Variants in LOC400499 observed in about 807,000 individuals in gnomAD.
At chr16:11,384,663 C>G in the LOC400499 span, among the ~76,000 whole-genome samples, 1 of 152,226 alleles carries the variant, frequency 6.6e-6, no homozygotes, top group African/African-American at 2.4e-5. Flanking sequence ...CCGCGTGTCC[C>G]ACGGATGGGA....
chr16:11,443,721 G>A, the LOC400499 span, among the ~76,000 whole-genome samples: 2 of 152,060 alleles, frequency 1.3e-5, no homozygotes, highest in Admixed American at 6.6e-5. Context: ...GGAAACTGAG[G>A]TCCAGAGAGA....
At chr16:11,516,760 C>G in the LOC400499 span, among the ~76,000 whole-genome samples, 1 of 152,132 alleles carries the variant, frequency 6.6e-6, no homozygotes, top group African/African-American at 2.4e-5. Flanking sequence ...ATCCTTCTGC[C>G]TCAGCCTCCC....
chr16:11,526,393 T>C, the LOC400499 span, among the ~76,000 whole-genome samples: 1 of 152,186 alleles, frequency 6.6e-6, no homozygotes, highest in African/African-American at 2.4e-5. Context: ...CCACAAAAAA[T>C]ATTTTTTAAA....
At chr16:11,434,503 T>A in the LOC400499 span, among the ~76,000 whole-genome samples, 1 of 151,678 alleles carries the variant, frequency 6.6e-6, no homozygotes, top group African/African-American at 2.4e-5. Flanking sequence ...GTATATAGAG[T>A]CAGAACCGAG....
the LOC400499 span, among the ~76,000 whole-genome samples, chr16:11,470,318 G>A: frequency 6.6e-6 from 1 of 152,158 alleles, no homozygotes. Context: ...CAGCACTGCA[G>A]CCAAAACTCC....
At chr16:11,523,299 T>C in the LOC400499 span, 2 of 397,740 alleles carry the variant, frequency 5.0e-6, no homozygotes, top group Non-Finnish European at 8.9e-6. Context: ...GGGAGCATAG[T>C]CAGGGCCCTC....
the LOC400499 span, among the ~76,000 whole-genome samples, chr16:11,424,539 C>T: frequency 2.0e-5 from 3 of 152,364 alleles, no homozygotes; most frequent in Admixed American, 1.3e-4. Flanking sequence ...AAACTGTCCA[C>T]AGTTCACAGA....
chr16:11,384,748 C>T, the LOC400499 span: 2 of 689,422 alleles, frequency 2.9e-6, no homozygotes, highest in Admixed American at 4.3e-5. Flanking sequence ...GAGTTGAGGG[C>T]ACACGCGCTG....
At chr16:11,381,075 C>G in the LOC400499 span, 21,558 of 152,020 alleles carry the variant, frequency 0.14, 1,674 homozygotes, top group Middle Eastern at 0.31. Context: ...TAACTGGACG[C>G]TGAAATCACA....
the LOC400499 span, chr16:11,449,120 G>A: frequency 6.9e-7 from 1 of 1,440,350 alleles, no homozygotes; most frequent in Non-Finnish European, 9.3e-7. Flanking sequence ...GCAATGAGGT[G>A]AGGAGGGGGA....
the LOC400499 span, among the ~76,000 whole-genome samples, chr16:11,459,559 T>C: frequency 1.3e-5 from 2 of 152,206 alleles, no homozygotes; most frequent in Admixed American, 6.5e-5. Context: ...CCACCACCTG[T>C]TCAGCTGCTG....
At chr16:11,403,907 C>A in the LOC400499 span, among the ~76,000 whole-genome samples, 1 of 152,306 alleles carries the variant, frequency 6.6e-6, no homozygotes, top group South Asian at 2.1e-4. Context: ...CAGGATAAGC[C>A]CCAGCTCCTC....
the LOC400499 span, among the ~76,000 whole-genome samples, chr16:11,451,401 G>T: frequency 6.6e-6 from 1 of 152,098 alleles, no homozygotes; most frequent in Admixed American, 6.6e-5. Flanking sequence ...GCAACAAAGC[G>T]AGACCCCATC....
the LOC400499 span, among the ~76,000 whole-genome samples, chr16:11,464,803 G>A: frequency 6.6e-6 from 1 of 152,132 alleles, no homozygotes; most frequent in Admixed American, 6.5e-5. Context: ...CAGCTCTATA[G>A]GGACCAGCAG....
chr16:11,425,553 A>G, the LOC400499 span: 19 of 397,596 alleles, frequency 4.8e-5, no homozygotes, highest in African/African-American at 3.7e-4. Context: ...CGCACTTGTA[A>G]CTCATGTCAG....
chr16:11,391,650 C>T, the LOC400499 span: 1 of 1,232,078 alleles, frequency 8.1e-7, no homozygotes, highest in Non-Finnish European at 1.0e-6. Flanking sequence ...TTGAGCCCTC[C>T]CCCTCCCACA....
At chr16:11,493,803 C>G in the LOC400499 span, 1 of 370,936 alleles carries the variant, frequency 2.7e-6, no homozygotes, top group Non-Finnish European at 4.6e-6. Flanking sequence ...GGAGCTAAAT[C>G]GAGATGGAGG....
At chr16:11,506,150 T>C in the LOC400499 span, among the ~76,000 whole-genome samples, 1 of 152,112 alleles carries the variant, frequency 6.6e-6, no homozygotes, top group Non-Finnish European at 1.5e-5. Context: ...GATTCTTCTG[T>C]CTCAGCCTCC....
At chr16:11,496,680 A>G in the LOC400499 span, among the ~76,000 whole-genome samples, 1 of 151,372 alleles carries the variant, frequency 6.6e-6, no homozygotes, top group Non-Finnish European at 1.5e-5. Context: ...GTGTGTGTGT[A>G]CTGTGTGTCC....
Sources: gnomAD v4.1 joint callset for allele counts (sites outside exome capture counted in the v4.1 genomes callset) on GRCh38, gnomAD v4.1.1 for gene constraint, MANE v1.5 for transcripts.